The following PHF14 variants were observed in gnomAD, a reference collection of about 807,000 sequenced individuals.
PHF14 encodes the protein PHD finger protein 14.
PHF14 carries 55 observed loss-of-function variants against 117.9 expected under a neutral mutation model. The ratio of observed to expected loss-of-function variants is 0.47; its 90% CI spans 0.38 to 0.58. The LOEUF (loss-of-function observed/expected upper bound fraction) is 0.58, where lower values mean the gene tolerates loss of function less well. Among genes scored for constraint, PHF14 ranks in the 20% least tolerant of loss-of-function variants. The pLI, the probability that PHF14 is intolerant of heterozygous loss-of-function variation, is 0.00. For missense variants in PHF14, 978 were observed against 1,122.2 expected, an observed-to-expected ratio of 0.87 and a Z score of 1.84; for synonymous variants, 409 against 368.6, an observed-to-expected ratio of 1.11 and a Z score of -1.26.
chr7:11,131,095 CTTGT>C (rs1012347617), intron 17 of PHF14, among the ~76,000 whole-genome samples: 10 of 151,702 alleles, frequency 6.6e-5, no homozygotes, highest in African/African-American at 2.4e-4. Context: ...ACACAACAGT[CTTGT>C]TTGTTTCCAA....
intron 16 of PHF14, among the ~76,000 whole-genome samples, chr7:11,082,950 A>T (rs1786208670): frequency 6.6e-6 from 1 of 152,120 alleles, no homozygotes; most frequent in South Asian, 2.1e-4. Flanking sequence ...CCACAGCACC[A>T]ATGGCTTATC....
intron 4 of PHF14, among the ~76,000 whole-genome samples, chr7:10,995,406 T>C (rs1208229365): frequency 6.6e-6 from 1 of 152,046 alleles, no homozygotes; most frequent in African/African-American, 2.4e-5. Flanking sequence ...AGACACAGAG[T>C]GCTGATTGGT....
chr7:11,044,453 ATGT>A (rs1333615797), intron 13 of PHF14, among the ~76,000 whole-genome samples: 5 of 152,132 alleles, frequency 3.3e-5, no homozygotes, highest in Non-Finnish European at 5.9e-5. Flanking sequence ...GTAGAAGTTA[ATGT>A]TGTAGCACAG....
At chr7:11,163,496 A>G (rs997938422) in intron 17 of PHF14, among the ~76,000 whole-genome samples, 4 of 152,328 alleles carry the variant, frequency 2.6e-5, no homozygotes, top group Admixed American at 2.6e-4. Context: ...GGAAAACTGA[A>G]TGCAGAAGTA....
intron 17 of PHF14, among the ~76,000 whole-genome samples, chr7:11,156,391 G>C (rs543613838): frequency 1.3e-5 from 2 of 152,126 alleles, no homozygotes; most frequent in African/African-American, 4.8e-5. Context: ...GAGCTATTAC[G>C]TTCCAATAAA....
chr7:11,044,867 T>C (rs933882546), intron 13 of PHF14, among the ~76,000 whole-genome samples: 6 of 152,154 alleles, frequency 3.9e-5, no homozygotes, highest in Non-Finnish European at 8.8e-5. Context: ...TGTATTTGTT[T>C]TGGAATATTT....
At chr7:11,022,359 T>TA (rs1783766012) in intron 5 of PHF14, among the ~76,000 whole-genome samples, 2 of 152,172 alleles carry the variant, frequency 1.3e-5, no homozygotes, top group Admixed American at 1.3e-4. Context: ...ACAAAAATTG[T>TA]AAAATATGTC....
At chr7:11,167,389 A>G (rs1379906729) in intron 17 of PHF14, among the ~76,000 whole-genome samples, 1 of 152,208 alleles carries the variant, frequency 6.6e-6, no homozygotes, top group Non-Finnish European at 1.5e-5. Flanking sequence ...TGTGAGTACT[A>G]GCAATCTTAA....
chr7:11,145,120 C>A (rs181815300), intron 17 of PHF14, among the ~76,000 whole-genome samples: 1 of 151,502 alleles, frequency 6.6e-6, no homozygotes, highest in East Asian at 1.9e-4. Flanking sequence ...TTTTATACCA[C>A]AATTATAAAA....
chr7:11,119,160 A>G (rs757786587), intron 17 of PHF14, among the ~76,000 whole-genome samples: 14 of 151,924 alleles, frequency 9.2e-5, no homozygotes, highest in Admixed American at 2.0e-4. Context: ...ATCAAAGTAC[A>G]GTAGGTTGCC....
At chr7:11,148,475 G>A (rs948021178) in intron 17 of PHF14, among the ~76,000 whole-genome samples, 1 of 152,146 alleles carries the variant, frequency 6.6e-6, no homozygotes, top group African/African-American at 2.4e-5. Flanking sequence ...CTGCTCAAAT[G>A]TCAGCTCTTT....
chr7:10,993,267 G>A (rs896595968), intron 4 of PHF14, among the ~76,000 whole-genome samples: 11 of 152,010 alleles, frequency 7.2e-5, no homozygotes, highest in Non-Finnish European at 2.9e-5. Flanking sequence ...CCACAAAACA[G>A]TATTTCTATG....
At chr7:10,978,768 G>T (rs4720925) in intron 2 of PHF14, among the ~76,000 whole-genome samples, 1 of 151,972 alleles carries the variant, frequency 6.6e-6, no homozygotes, top group South Asian at 2.1e-4. Flanking sequence ...TTCCACTGTT[G>T]TGGCAACTAT....
intron 16 of PHF14, among the ~76,000 whole-genome samples, chr7:11,079,516 A>G (rs978276202): frequency 7.2e-5 from 11 of 152,172 alleles, no homozygotes; most frequent in Non-Finnish European, 1.3e-4. Context: ...CCCTTGATGT[A>G]TGTATTTCCT....
At chr7:11,103,868 CAT>C (rs1242249837) in intron 16 of PHF14, 2 of 980,886 alleles carry the variant, frequency 2.0e-6, no homozygotes, top group African/African-American at 1.8e-5. Flanking sequence ...TGAAAGATCT[CAT>C]AACATTGGAG....
At chr7:11,156,538 TA>T (rs11344507) in intron 17 of PHF14, among the ~76,000 whole-genome samples, 2,158 of 152,312 alleles carry the variant, frequency 0.014, 44 homozygotes, top group African/African-American at 0.049. Context: ...CTCATGCCTG[TA>T]ATCTCAGCAC....
rs745573853 is a variant in PHF14, at chr7:11,013,901, T to C, written c.1200T>C (p.Ala400=). The part of the protein sequence containing the change: ...NQDGIFKETD[A]GRWVHIVCAL... ...ATGGAATTTTCAAGGAGACAGATGC[T>C]GGAAGGTTAATGTCCTAATTATGTT... Residue 400 remains alanine (A), a synonymous_variant, in exon 5 of 18, where the codon GCT becomes GCC. Transcript: ENST00000634607. 6.3e-7 allele frequency: 1 copy of C among 1,599,352 alleles called. No individual in the cohort carries two copies. The highest frequency in any genetic ancestry group is 8.6e-7 in the Non-Finnish European group (1 of 1,168,964).
chr7:11,053,414 G>A (rs1583416028), intron 14 of PHF14, among the ~76,000 whole-genome samples: 2 of 151,760 alleles, frequency 1.3e-5, no homozygotes, highest in East Asian at 3.9e-4. Flanking sequence ...CTTTTTTTAG[G>A]CTTCAAAAAT....
intron 14 of PHF14, among the ~76,000 whole-genome samples, chr7:11,055,998 G>A (rs939156209): frequency 2.8e-4 from 43 of 152,016 alleles, no homozygotes; most frequent in African/African-American, 9.7e-4. Flanking sequence ...TATTTGTGGG[G>A]GCTTTACATA....
Sources: allele counts gnomAD v4.1 joint callset (sites outside exome capture counted in the v4.1 genomes callset), GRCh38; gene constraint gnomAD v4.1.1; transcripts MANE v1.5; gene names NCBI Gene and HGNC (gene_info 2026-07-23, HGNC 2026-07-21).